LRRC4C: variants seen among roughly 807,000 people sequenced by gnomAD.
LRRC4C encodes the protein leucine rich repeat containing 4C, also known as leucine-rich repeat-containing protein 4C.
Under a neutral mutation model 33.6 loss-of-function variants are expected in LRRC4C, and 5 were observed. That is an observed-to-expected ratio of 0.15 (90% CI 0.08 to 0.31). The LOEUF is 0.31. Ranked by LOEUF, LRRC4C falls within the 10% of genes least tolerant of loss-of-function variation. LRRC4C has a pLI of 1.00. For synonymous variants in LRRC4C, 329 were observed against 302.0 expected (o/e 1.09, Z -0.93); for missense variants, 560 against 796.7 (o/e 0.70, Z 3.58).
intron 1 of LRRC4C, among the ~76,000 whole-genome samples, chr11:41,002,560 G>T (rs1789766655): frequency 6.6e-6 from 1 of 152,182 alleles, no homozygotes; most frequent in Non-Finnish European, 1.5e-5. Flanking sequence ...TCATTACATG[G>T]TAGGTAGTGA....
intron 3 of LRRC4C, among the ~76,000 whole-genome samples, chr11:40,343,711 GAAAA>G (rs5791374): frequency 4.0e-4 from 42 of 104,712 alleles, no homozygotes; most frequent in African/African-American, 1.6e-3. Context: ...TTGTTTTTTT[GAAAA>G]AAAAAAAAAA....
At chr11:40,282,286 A>G (rs1384313801) in intron 4 of LRRC4C, among the ~76,000 whole-genome samples, 1 of 152,140 alleles carries the variant, frequency 6.6e-6, no homozygotes, top group Non-Finnish European at 1.5e-5. Flanking sequence ...TGGAGGTTGC[A>G]GTAAGCCGAG....
chr11:40,194,952 G>T (rs975642700), intron 5 of LRRC4C, among the ~76,000 whole-genome samples: 1 of 151,924 alleles, frequency 6.6e-6, no homozygotes, highest in Admixed American at 6.5e-5. Context: ...TTAGCCGGGT[G>T]TGGTGGCGGG....
intron 1 of LRRC4C, among the ~76,000 whole-genome samples, chr11:41,453,515 G>T (rs1411529050): frequency 1.3e-5 from 2 of 152,040 alleles, no homozygotes; most frequent in African/African-American, 2.4e-5. Context: ...GAAGCATTGG[G>T]TTCACATCCT....
chr11:41,262,847 C>G (rs1165479116), intron 1 of LRRC4C, among the ~76,000 whole-genome samples: 1 of 152,046 alleles, frequency 6.6e-6, no homozygotes, highest in East Asian at 1.9e-4. Context: ...AATGACAGAG[C>G]CCAACAGTCA....
rs1958029326 is a variant in LRRC4C, at chr11:40,939,051, G to T, written c.-495-5328C>A. Among the ~76,000 whole-genome samples the T allele has an allele frequency of 5.3e-5, 8 of 152,188 alleles. No individual in the cohort carries two copies. The South Asian group carries it at 1.7e-3, about 32-fold the overall frequency. On this transcript the variant is annotated intron_variant, in intron 1 of 6. Transcript: ENST00000528697. ...GATATAATAGTGAATGGAAAAAAAGGAAATTCTAAAATAACGATTATTCTG... is the reference window on the plus strand; with the variant it reads ...GATATAATAGTGAATGGAAAAAAAGTAAATTCTAAAATAACGATTATTCTG...
rs141263342 is a variant in LRRC4C at position 41,314,419 on chromosome 11, T to C, written c.-496+145012A>G. ...TGAAGTTGATAAGCACAATTCAAGA[T>C]TGATATGATAATTGTCAGTTTTATA... On this transcript the variant is annotated intron_variant, in intron 1 of 6. Transcript: ENST00000528697. Among the ~76,000 whole-genome samples the C allele has an allele frequency of 7.0e-3, 1,072 of 152,334 alleles. 9 individuals carry two copies. The highest frequency in any genetic ancestry group is 0.024 in the African/African-American group (980 of 41,578).
chr11:40,716,151 A>T (rs1946703644), intron 2 of LRRC4C, among the ~76,000 whole-genome samples: 1 of 152,158 alleles, frequency 6.6e-6, no homozygotes. Flanking sequence ...ACTCAAATAT[A>T]TGCAGTAATA....
rs954094762 is a variant in LRRC4C at position 40,116,406 on chromosome 11, G to A, written c.-42-72C>T. On this transcript the variant is annotated intron_variant, in intron 6 of 6. Coordinates refer to ENST00000528697, the MANE Select transcript of LRRC4C (RefSeq NM_001258419.2). ...CTAAGTGTCTTTCTGGAGTAATGTC[G>A]GTGATATAGTGTATCAGCTAAAGCC... is the stretch of plus-strand genomic sequence containing the variant. The A allele has an allele frequency of 7.8e-5, 113 of 1,439,972 alleles. 2 individuals are homozygous for A. The highest frequency in any genetic ancestry group is 1.3e-4 in the South Asian group (9 of 67,490). 89.2% of individuals were successfully genotyped at this position (1,439,972 alleles called of 1,614,324 possible). A position where few individuals can be genotyped will look rare whatever the true frequency, so the allele number is the denominator to read the frequency against.
chr11:40,624,526 G>T (rs1355005185), intron 3 of LRRC4C, among the ~76,000 whole-genome samples: 1 of 152,078 alleles, frequency 6.6e-6, no homozygotes, highest in Non-Finnish European at 1.5e-5. Flanking sequence ...GCCCCAAATG[G>T]TTTCTCATTT....
chr11:41,239,747 A>G (rs947023950), intron 1 of LRRC4C, among the ~76,000 whole-genome samples: 1 of 151,922 alleles, frequency 6.6e-6, no homozygotes, highest in African/African-American at 2.4e-5. Flanking sequence ...AAGGTCAGGG[A>G]TTTTGTATAT....
chr11:40,672,167 G>C (rs1944156332), intron 2 of LRRC4C, among the ~76,000 whole-genome samples: 1 of 152,168 alleles, frequency 6.6e-6, no homozygotes, highest in Non-Finnish European at 1.5e-5. Flanking sequence ...AGTTCTCAGA[G>C]ATTTGGTTCC....
intron 1 of LRRC4C, among the ~76,000 whole-genome samples, chr11:41,316,261 G>GAAAAAA (rs1591247271): frequency 4.4e-5 from 1 of 22,638 alleles, no homozygotes. Flanking sequence ...TCTCTGGATG[G>GAAAAAA]CAAAAAAAAA....
chr11:40,619,094 A>G (rs1310209276), intron 3 of LRRC4C, among the ~76,000 whole-genome samples: 1 of 151,718 alleles, frequency 6.6e-6, no homozygotes, highest in Non-Finnish European at 1.5e-5. Context: ...AAAATTCAAA[A>G]CAATTGAACT....
chr11:41,374,119 GAC>G (rs1210444918), intron 1 of LRRC4C, among the ~76,000 whole-genome samples: 1 of 152,102 alleles, frequency 6.6e-6, no homozygotes, highest in Admixed American at 6.6e-5. Context: ...CTAGACTTGG[GAC>G]ACAAACTGCC....
At chr11:40,494,677 T>C (rs1954337588) in intron 3 of LRRC4C, among the ~76,000 whole-genome samples, 1 of 152,132 alleles carries the variant, frequency 6.6e-6, no homozygotes, top group African/African-American at 2.4e-5. Flanking sequence ...CTGGTAAAGA[T>C]GAAAAATTTA....
chr11:40,905,400 A>G (rs1371751887), intron 2 of LRRC4C, among the ~76,000 whole-genome samples: 1 of 152,118 alleles, frequency 6.6e-6, no homozygotes, highest in Non-Finnish European at 1.5e-5. Flanking sequence ...GGCAGGAAAA[A>G]AAAAAAAGTA....
At chr11:40,922,754 G>A (rs1957236549) in intron 2 of LRRC4C, among the ~76,000 whole-genome samples, 1 of 152,196 alleles carries the variant, frequency 6.6e-6, no homozygotes, top group African/African-American at 2.4e-5. Flanking sequence ...ACAAATGCAA[G>A]GGCAGTAATA....
chr11:40,181,115 A>C (rs530070737), intron 5 of LRRC4C, among the ~76,000 whole-genome samples: 1 of 152,308 alleles, frequency 6.6e-6, no homozygotes, highest in South Asian at 2.1e-4. Flanking sequence ...GCCTCAAACT[A>C]AGACGCTTCA....
Sources: allele counts gnomAD v4.1 joint callset (sites outside exome capture counted in the v4.1 genomes callset), GRCh38; gene constraint gnomAD v4.1.1; transcripts MANE v1.5; gene names NCBI Gene and HGNC (gene_info 2026-07-23, HGNC 2026-07-21).